Variants in BNC2 observed in about 807,000 individuals in gnomAD.
BNC2 encodes basonuclin zinc finger protein 2, also known as zinc finger protein basonuclin-2.
Under a neutral mutation model 76.3 loss-of-function variants are expected in BNC2, and 20 were observed. The ratio of observed to expected loss-of-function variants is 0.26; its 90% confidence interval spans 0.18 to 0.38. The LOEUF (loss-of-function observed/expected upper bound fraction) is 0.38. Among genes scored for constraint, BNC2 ranks in the 10% least tolerant of loss-of-function variants. The pLI is 1.00. For synonymous variants in BNC2, 582 were observed against 514.8 expected (o/e 1.13, Z -1.77); for missense variants, 1,382 against 1,399.8 (o/e 0.99, Z 0.20).
At chr9:16,835,992 T>C (rs1818697185) in intron 1 of BNC2, among the ~76,000 whole-genome samples, 1 of 152,146 alleles carries the variant, frequency 6.6e-6, no homozygotes, top group Non-Finnish European at 1.5e-5. Flanking sequence ...TAGAAATCTA[T>C]TTCACCCCAC....
chr9:16,437,101 C>T lies in BNC2; in HGVS notation c.1093G>A (p.Glu365Lys), dbSNP rs1821033374. The T allele has an allele frequency of 6.2e-7, 1 of 1,614,154 alleles. No homozygotes were observed. The highest frequency in any genetic ancestry group is 1.1e-5 in the South Asian group (1 of 91,084). Reference sequence around the variant, plus strand: ...GGAGAAACTTCGGATTCGCTGCTCTCATTATATTCATTCTGAGTTGAAAGG... The same window carrying T: ...GGAGAAACTTCGGATTCGCTGCTCTTATTATATTCATTCTGAGTTGAAAGG... ...PSLSTQNEYN[E>K]SSESEVSPTP... The change falls in exon 6 of 7, where the codon GAG becomes AAG. Residue 365 changes from glutamate to lysine, a missense_variant. Coordinates refer to ENST00000380672, the MANE Select transcript of BNC2 (RefSeq NM_017637.6).
intron 5 of BNC2, among the ~76,000 whole-genome samples, chr9:16,462,093 G>A (rs1278605563): frequency 6.6e-6 from 1 of 152,096 alleles, no homozygotes; most frequent in Non-Finnish European, 1.5e-5. Context: ...AGTGTCCATT[G>A]GCAAGTCTAT....
chr9:16,763,117 G>C (rs566979644), intron 1 of BNC2, among the ~76,000 whole-genome samples: 98 of 152,304 alleles, frequency 6.4e-4, no homozygotes, highest in African/African-American at 2.3e-3. Context: ...CTCTCTAGCT[G>C]AGAGGTTATG....
At chr9:16,869,729 T>C (rs763000868) in intron 1 of BNC2, among the ~76,000 whole-genome samples, 8 of 152,100 alleles carry the variant, frequency 5.3e-5, no homozygotes, top group Non-Finnish European at 7.4e-5. Context: ...GGCGAACTAA[T>C]TGCACGCTTC....
At chr9:16,464,548 G>A (rs1233514025) in intron 5 of BNC2, among the ~76,000 whole-genome samples, 1 of 152,088 alleles carries the variant, frequency 6.6e-6, no homozygotes, top group Non-Finnish European at 1.5e-5. Flanking sequence ...TTTGCAGACT[G>A]ATAAGATTAA....
chr9:16,834,448 G>A (rs1434269408), intron 1 of BNC2, among the ~76,000 whole-genome samples: 2 of 152,130 alleles, frequency 1.3e-5, no homozygotes, highest in Non-Finnish European at 2.9e-5. Flanking sequence ...AGCAAAAAAT[G>A]CACCAGGCTT....
intron 3 of BNC2, among the ~76,000 whole-genome samples, chr9:16,681,319 A>G (rs1301243068): frequency 6.6e-6 from 1 of 152,222 alleles, no homozygotes; most frequent in East Asian, 1.9e-4. Flanking sequence ...TTGTCTCCAA[A>G]CATTTTATCG....
chr9:16,711,569 C>G (rs1259001170), intron 3 of BNC2, among the ~76,000 whole-genome samples: 1 of 152,204 alleles, frequency 6.6e-6, no homozygotes, highest in African/African-American at 2.4e-5. Flanking sequence ...CAGCACAAAA[C>G]TATAGTGATA....
At chr9:16,870,151 C>G (rs1819642822) in intron 1 of BNC2, among the ~76,000 whole-genome samples, 1 of 151,660 alleles carries the variant, frequency 6.6e-6, no homozygotes, top group Non-Finnish European at 1.5e-5. Flanking sequence ...CGGCTGCGCC[C>G]CAGCGCACCC....
intron 1 of BNC2, among the ~76,000 whole-genome samples, chr9:16,783,990 A>C (rs1826216798): frequency 6.6e-6 from 1 of 152,232 alleles, no homozygotes; most frequent in Non-Finnish European, 1.5e-5. Flanking sequence ...GTGACACCTC[A>C]ATTAACAGTG....
intron 4 of BNC2, among the ~76,000 whole-genome samples, chr9:16,572,287 G>T (rs1041314479): frequency 6.6e-6 from 1 of 152,118 alleles, no homozygotes; most frequent in Non-Finnish European, 1.5e-5. Context: ...TTATTTTGTT[G>T]TCTGAAGACA....
intron 4 of BNC2, among the ~76,000 whole-genome samples, chr9:16,578,530 A>G (rs992060410): frequency 2.0e-5 from 3 of 152,116 alleles, no homozygotes; most frequent in Non-Finnish European, 4.4e-5. Flanking sequence ...CCTGCACCCA[A>G]TGCTGAGTGT....
intron 1 of BNC2, among the ~76,000 whole-genome samples, chr9:16,802,872 C>T (rs1817816868): frequency 6.6e-6 from 1 of 152,166 alleles, no homozygotes; most frequent in East Asian, 1.9e-4. Flanking sequence ...AATGGAGGGT[C>T]ACTAACTTTG....
intron 5 of BNC2, among the ~76,000 whole-genome samples, chr9:16,533,611 T>C (rs918751976): frequency 6.6e-6 from 1 of 152,108 alleles, no homozygotes; most frequent in Non-Finnish European, 1.5e-5. Context: ...AAACTAAACC[T>C]AGGTAGGAAG....
At chr9:16,429,747 T>C (rs1820869878) in intron 6 of BNC2, 3 of 309,252 alleles carry the variant, frequency 9.7e-6, no homozygotes, top group South Asian at 5.7e-5. Context: ...CTTTGCATCA[T>C]GAAAAGGAAA....
Position 16,419,641 on chromosome 9 carries a change from G to A in BNC2, c.2648C>T (p.Ala883Val). ...CAGTTTACGATGTAGGTTTATGTTG[G>A]CACTGTGTCTAGGAAAACAAGAGGG... ...PSRRSRDRHSANINLHRKLLT... is the reference protein window; with the variant it reads ...PSRRSRDRHSVNINLHRKLLT... Residue 883 changes from alanine to valine, a missense_variant, in exon 7 of 7, where the codon GCC becomes GTC. By Grantham distance (64) the Ala-to-Val change is moderately conservative (BLOSUM62 0). This residue lies in a region of BNC2 where 798 missense variants were observed against 775.5 expected (regional missense o/e 1.03). Transcript: ENST00000380672. 7.6e-7 allele frequency: 1 copy of A among 1,323,278 alleles called. No individual in the cohort carries two copies. Among genetic ancestry groups the A allele is most frequent in the Non-Finnish European group, 1.0e-6 (1 of 994,884 alleles). The allele number at this position is 1,323,278 out of a possible 1,614,324, so 82.0% of individuals were successfully genotyped here.
chr9:16,541,353 C>A (rs781738894), intron 5 of BNC2, among the ~76,000 whole-genome samples: 8 of 152,218 alleles, frequency 5.3e-5, no homozygotes, highest in Non-Finnish European at 1.0e-4. Flanking sequence ...TGAATTGGAA[C>A]CCTGATTCAG....
At chr9:16,500,481 A>G (rs999419061) in intron 5 of BNC2, among the ~76,000 whole-genome samples, 4 of 152,136 alleles carry the variant, frequency 2.6e-5, no homozygotes, top group Non-Finnish European at 5.9e-5. Context: ...ACACATAAAT[A>G]AAAAAAATCT....
intron 2 of BNC2, among the ~76,000 whole-genome samples, chr9:16,733,872 G>T (rs10810599): frequency 0.092 from 13,878 of 150,444 alleles, 817 homozygotes; most frequent in Admixed American, 0.19. Context: ...CAAAAAGAGG[G>T]AAACTCCATC....
Sources: gnomAD v4.1 joint callset for allele counts (sites outside exome capture counted in the v4.1 genomes callset) on GRCh38, gnomAD v4.1.1 for gene constraint, gnomAD v4.1.1 regional missense constraint, MANE v1.5 for transcripts, NCBI Gene and HGNC (gene_info 2026-07-23, HGNC 2026-07-21) for gene names.